The following TNXB variants were observed in gnomAD, a reference collection of about 807,000 sequenced individuals.
The protein encoded by TNXB is tenascin-X.
TNXB carries 183 observed loss-of-function variants against 340.5 expected under a neutral mutation model. The ratio of observed to expected loss-of-function variants is 0.54; its 90% confidence interval spans 0.48 to 0.61. TNXB has a LOEUF of 0.61. TNXB is among the 20% of genes least tolerant of loss of function. The pLI is 0.00. For synonymous variants in TNXB, 2,121 were observed against 2,314.5 expected (o/e 0.92, Z 2.40); for missense variants, 4,613 against 5,446.4 (o/e 0.85, Z 4.82).
Position 32,062,562 on chromosome 6 carries a change from C to T in TNXB, c.6842-79G>A. ...AGGGACTCTGGGATTCTCTTAGACA[C>T]ACCAAGGGCCCACAGTCTGGATGCT... On this transcript the variant is annotated intron_variant, in intron 19 of 43. Coordinates refer to ENST00000644971, the MANE Select transcript of TNXB (RefSeq NM_001365276.2). This position sits in a 1 kb window ranked among gnomAD's most constrained non-coding sequence, Gnocchi z 4.3. The T allele has an allele frequency of 7.5e-7, 1 of 1,340,506 alleles. No homozygotes were observed. The highest frequency in any genetic ancestry group is 1.0e-6 in the Non-Finnish European group (1 of 994,598). 83.0% of individuals were successfully genotyped at this position (1,340,506 alleles called of 1,614,324 possible).
At position 32,096,357 on chromosome 6, in the gene TNXB, C is replaced by T. The variant is rs771249673; in HGVS notation, c.1496G>A (p.Gly499Asp). The change falls in exon 3 of 44, where the codon GGC becomes GAC. Residue 499 changes from glycine to aspartate, a missense_variant. This residue lies in a region of TNXB where 4,327 missense variants were observed against 4,859.4 expected (regional missense o/e 0.89). Transcript: ENST00000644971. ...GCAGCGCCCGCGCCCGCGACAGTCG[C>T]CAGGACAGGCGCGCGTGCCGCAGTC... ...GRDCGTRACP[G>D]DCRGRGRCVD... 239 of 1,554,338 alleles carry T rather than the reference C, an allele frequency of 1.5e-4. No homozygotes were observed. The highest frequency in any genetic ancestry group is 2.0e-4 in the Non-Finnish European group (232 of 1,156,740).
Position 32,046,096 on chromosome 6 carries a change from A to G in TNXB, c.10606+79T>C. 2.0e-6 allele frequency: 3 copies of G among 1,525,742 alleles called. No homozygotes were observed. In the South Asian group the frequency reaches 3.8e-5, roughly 20 times the overall value. The allele number at this position is 1,525,742 out of a possible 1,614,324, so 94.5% of individuals were successfully genotyped here. On this transcript the variant is annotated intron_variant, in intron 31 of 43. Coordinates refer to ENST00000644971, the MANE Select transcript of TNXB (RefSeq NM_001365276.2). The surrounding 1 kb of genome is among the most constrained non-coding windows in gnomAD (Gnocchi z 6.9). ...CCCACTCCGGCCTGCCCACTCCTGC[A>G]GTCATCTTTGTCTTCAGCCCAAATG...
Position 32,069,566 on chromosome 6 carries a change from G to A in TNXB, c.5574C>T (p.Ala1858=), listed in dbSNP as rs773472076. The change falls in exon 15 of 44, where the codon GCC becomes GCT. Residue 1858 remains alanine, a synonymous_variant. Transcript: ENST00000644971. The surrounding 1 kb of genome is among the most constrained non-coding windows in gnomAD (Gnocchi z 6.2). ...CCGCACACTCACCAGTAATGGCGAC[G>A]GCCGAGATGGGGCCCACACGCTTGC... The part of the protein sequence containing the change: ...HHGKRVGPIS[A]VAITAGREET... The A allele has an allele frequency of 2.2e-5, 35 of 1,572,866 alleles. No homozygotes were observed. Among genetic ancestry groups the A allele is most frequent in the South Asian group, 1.0e-4 (9 of 86,456 alleles).
intron 25 of TNXB, 50 bp from the exon 26 acceptor site, chr6:32,053,043 T>G: frequency 6.4e-7 from 1 of 1,571,532 alleles, no homozygotes; most frequent in Non-Finnish European, 8.7e-7. Context: ...GGGGATGTCC[T>G]TGGGTCTTGT....
At position 32,083,617 on chromosome 6, in the gene TNXB, C is replaced by A. The variant is rs1779602018; in HGVS notation, c.3445+796G>T. On this transcript the variant is annotated intron_variant, in intron 8 of 43. Transcript: ENST00000644971. The surrounding 1 kb of genome is among the most constrained non-coding windows in gnomAD (Gnocchi z 4.6). The stretch of plus-strand genomic sequence containing the variant: ...TTTCCTTCGCCTCCCCCATCCAGCC[C>A]CACTGCCACCATCCCAGCTGACCCA... Among the ~76,000 whole-genome samples, 1 of 152,106 alleles carries A rather than the reference C, an allele frequency of 6.6e-6. No individual in the cohort carries two copies. Among genetic ancestry groups the A allele is most frequent in the African/African-American group, 2.4e-5 (1 of 41,412 alleles).
rs773612193 is a variant in TNXB, at chr6:32,053,548, C to G, written c.8631G>C (p.Gln2877His). The G allele has an allele frequency of 2.4e-5, 39 of 1,613,598 alleles. No homozygotes were observed. Among genetic ancestry groups the G allele is most frequent in the East Asian group, 6.7e-5 (3 of 44,894 alleles). Reference protein sequence around the residue: ...PEGQFDHFLVQYRNGDGQPKV... With the variant: ...PEGQFDHFLVHYRNGDGQPKV... ...TGGGCTGCCCATCCCCATTCCTGTA[C>G]TGGACCAGGAAGTGGTCAAACTGGC... The change falls in exon 25 of 44, where the codon CAG (glutamine) becomes CAC (histidine). Residue 2877 changes from glutamine to histidine, a missense_variant. Gln to His is a conservative substitution (Grantham distance 24). This residue lies in a region of TNXB where 4,327 missense variants were observed against 4,859.4 expected (regional missense o/e 0.89). Transcript: ENST00000644971.
intron 24 of TNXB, among the ~76,000 whole-genome samples, chr6:32,054,934 A>T (rs1582368017): frequency 1.3e-5 from 2 of 152,320 alleles, no homozygotes; most frequent in South Asian, 4.1e-4. Flanking sequence ...AGTAGGATGG[A>T]TCAAGACAAG....
At chr6:32,107,836 G>A (rs773756348) in intron 1 of TNXB, among the ~76,000 whole-genome samples, 2 of 152,098 alleles carry the variant, frequency 1.3e-5, no homozygotes, top group Non-Finnish European at 2.9e-5. Flanking sequence ...GTTGAATCTG[G>A]CAATGAGAGG....
rs1777985878 is a variant in TNXB, at chr6:32,061,235, G to C, written c.7492+162C>G. ...CATTAGAGGGAGGCCACGCCAAAGT[G>C]AACAAGCAAACCGCTAGCATAGGCC... On this transcript the variant is annotated intron_variant, in intron 21 of 43. Transcript: ENST00000644971. This position sits in a 1 kb window ranked among gnomAD's most constrained non-coding sequence, Gnocchi z 4.4. 6.6e-6 allele frequency among the ~76,000 whole-genome samples: 1 copy of C among 151,868 alleles called. No individual in the cohort carries two copies. Among genetic ancestry groups the C allele is most frequent in the Non-Finnish European group, 1.5e-5 (1 of 68,034 alleles).
rs753232337 is a variant in TNXB at position 32,085,758 on chromosome 6, C to A, written c.3140G>T (p.Gly1047Val). 92 of 1,545,878 alleles carry A rather than the reference C, an allele frequency of 6.0e-5. No individual in the cohort carries two copies. Among genetic ancestry groups the A allele is most frequent in the Non-Finnish European group, 6.7e-5 (77 of 1,145,028 alleles). ...CAGAGTCCAAGATGTACCCATAATG[C>A]CTTGGTAGATGATGGGGTCAGAGGG... Reference protein sequence around the residue: ...GKPSDPIIYQGIMDKDEEKPG... With the variant: ...GKPSDPIIYQVIMDKDEEKPG... The change falls in exon 7 of 44, where the codon GGC becomes GTC. Residue 1047 changes from glycine (G) to valine (V), a missense_variant. Physicochemically the swap from Gly to Val is moderately radical, Grantham distance 109. Coordinates refer to ENST00000644971, the MANE Select transcript of TNXB (RefSeq NM_001365276.2). This position sits in a 1 kb window ranked among gnomAD's most constrained non-coding sequence, Gnocchi z 6.4.
At position 32,072,372 on chromosome 6, in the gene TNXB, G is replaced by T; in HGVS notation, c.4682-74C>A. ...ACCCCTGGGCTTTGAGGGCCTCAGG[G>T]GGGCTGTGAACTGAGATGGGGAATA... is the stretch of plus-strand genomic sequence containing the variant. On this transcript the variant is annotated intron_variant, in intron 12 of 43. Transcript: ENST00000644971. The surrounding 1 kb of genome is among the most constrained non-coding windows in gnomAD (Gnocchi z 4.4). 7.5e-7 allele frequency: 1 copy of T among 1,330,782 alleles called. No homozygotes were observed. Among genetic ancestry groups the T allele is most frequent in the Non-Finnish European group, 1.0e-6 (1 of 990,534 alleles). The allele number at this position is 1,330,782 out of a possible 1,614,324, so 82.4% of individuals were successfully genotyped here. A position where few individuals can be genotyped will look rare whatever the true frequency, so the allele number is the denominator to read the frequency against.
intron 1 of TNXB, among the ~76,000 whole-genome samples, chr6:32,102,956 T>C (rs1448422094): frequency 2.0e-5 from 3 of 151,858 alleles, no homozygotes; most frequent in Non-Finnish European, 4.4e-5. Flanking sequence ...ACAGGCAGAG[T>C]TAATCTTTGC....
At position 32,108,556 on chromosome 6, in the gene TNXB, T is replaced by C. The variant is rs1781088963; in HGVS notation, c.-9+625A>G. Among the ~76,000 whole-genome samples, 1 of 152,130 alleles carries C rather than the reference T, an allele frequency of 6.6e-6. No individual in the cohort carries two copies. The highest frequency in any genetic ancestry group is 2.4e-5 in the African/African-American group (1 of 41,404). ...TTTAGGATCCTCTCTGCAGGCTCTG[T>C]GCACGTCCCAGACCCGAGTCCTGAC... On this transcript the variant is annotated intron_variant, in intron 1 of 43. Transcript: ENST00000644971. The surrounding 1 kb of genome is among the most constrained non-coding windows in gnomAD (Gnocchi z 4.8).
chr6:32,099,946 TAAAAA>T (rs34833929), intron 1 of TNXB, among the ~76,000 whole-genome samples: 2 of 62,826 alleles, frequency 3.2e-5, no homozygotes, highest in African/African-American at 1.3e-4. Flanking sequence ...CATCCCTAAG[TAAAAA>T]AAAAAAAAAA....
chr6:32,043,821 G>C lies in TNXB; in HGVS notation c.11458C>G (p.Arg3820Gly), dbSNP rs138558351. The change falls in exon 35 of 44, where the codon CGC becomes GGC. Residue 3820 changes from arginine (R) to glycine (G), a missense_variant. Coordinates refer to ENST00000644971, the MANE Select transcript of TNXB (RefSeq NM_001365276.2). The stretch of plus-strand genomic sequence containing the variant: ...ACCGAGACCACGGTCACCTCATAGC[G>C]AGCGCCTGGGATCAGCCCCTGGAGT... ...QKLQGLIPGA[R>G]YEVTVVSVRG... 2.5e-6 allele frequency: 4 copies of C among 1,613,562 alleles called. No homozygotes were observed. Among genetic ancestry groups the C allele is most frequent in the Non-Finnish European group, 3.4e-6 (4 of 1,179,984 alleles).
At chr6:32,043,653 C>T (rs1303442209) in intron 35 of TNXB, 96 bp downstream of exon 35, 2 of 1,582,006 alleles carry the variant, frequency 1.3e-6, no homozygotes, top group Admixed American at 3.3e-5. Flanking sequence ...TCGGAGCCTC[C>T]ACCACCTCCC....
intron 21 of TNXB, among the ~76,000 whole-genome samples, chr6:32,059,981 G>C (rs1019107455): frequency 3.9e-5 from 6 of 151,960 alleles, no homozygotes; most frequent in Admixed American, 6.5e-5. Flanking sequence ...TTAACCTCAT[G>C]ATCTCCACCC....
Position 32,056,722 on chromosome 6 carries a change from G to C in TNXB, c.8007C>G (p.Pro2669=). ...CGTGCCCCGGCACCCGCACCGCCTT[G>C]GGCTGCCCATCCCCATTCCTGTACT... ...LVQYRNGDGQ[P]KAVRVPGHED... The change falls in exon 23 of 44, where the codon CCC becomes CCG. Residue 2669 remains proline (P), a synonymous_variant. Transcript: ENST00000644971. The C allele has an allele frequency of 6.2e-7, 1 of 1,613,246 alleles. No individual in the cohort carries two copies. The highest frequency in any genetic ancestry group is 1.3e-5 in the African/African-American group (1 of 75,046).
chr6:32,095,468 T>C (rs1439573521), intron 3 of TNXB, 143 bp downstream of exon 3: 2 of 1,071,424 alleles, frequency 1.9e-6, no homozygotes, highest in Non-Finnish European at 2.7e-6. Context: ...GCCCCACCCC[T>C]GTGGTTCTGC....
Sources: gnomAD v4.1 joint callset for allele counts (sites outside exome capture counted in the v4.1 genomes callset) on GRCh38, gnomAD v4.1.1 for gene constraint, gnomAD v4.1.1 regional missense constraint, Gnocchi (gnomAD v3.1) non-coding constraint, MANE v1.5 for transcripts, NCBI Gene and HGNC (gene_info 2026-07-23, HGNC 2026-07-21) for gene names.